The following IFNG-AS1 variants were observed in gnomAD, a reference collection of about 807,000 sequenced individuals.
The protein encoded by IFNG-AS1 is IFNG regulatory antisense RNA 1, also known as IFNG antisense RNA 1 (non-protein coding).
chr12:68,006,565 G>A (rs2120451712), intron 3 of IFNG-AS1, among the ~76,000 whole-genome samples: 1 of 152,226 alleles, frequency 6.6e-6, no homozygotes, highest in South Asian at 2.1e-4. Flanking sequence ...TCCATAATTA[G>A]GTTACATTAT....
chr12:68,010,295 G>C (rs1013584701), intron 3 of IFNG-AS1, among the ~76,000 whole-genome samples: 1 of 152,174 alleles, frequency 6.6e-6, no homozygotes, highest in Non-Finnish European at 1.5e-5. Flanking sequence ...TTTCAAAGCT[G>C]AGTAATGTAT....
At chr12:68,010,736 C>T (rs974792155) in intron 3 of IFNG-AS1, among the ~76,000 whole-genome samples, 8 of 152,096 alleles carry the variant, frequency 5.3e-5, no homozygotes, top group African/African-American at 1.7e-4. Flanking sequence ...TGCCTTGGGC[C>T]GAACCACATA....
Position 68,003,886 on chromosome 12 carries a change from G to A in IFNG-AS1, n.185-2204G>A, listed in dbSNP as rs1362022977. 5.4e-5 allele frequency among the ~76,000 whole-genome samples: 8 copies of A among 147,758 alleles called. No individual in the cohort carries two copies. The East Asian group carries it at 1.0e-3, about 19-fold the overall frequency. On this transcript the variant is annotated intron_variant and non_coding_transcript_variant, in intron 2 of 5. Transcript: ENST00000536914. ...CGCCCCACTGCACTCCAGCCTGGGT[G>A]AGAGTGAGACTCCGTCTCCAAAAAA...
intron 2 of IFNG-AS1, among the ~76,000 whole-genome samples, chr12:68,002,419 C>G (rs1412155600): frequency 6.6e-6 from 1 of 152,218 alleles, no homozygotes; most frequent in Admixed American, 6.5e-5. Flanking sequence ...TCCTATTCCT[C>G]TCACCACCCT....
intron 1 of IFNG-AS1, among the ~76,000 whole-genome samples, chr12:67,989,743 A>C (rs1879459154): frequency 6.6e-6 from 1 of 152,114 alleles, no homozygotes; most frequent in Non-Finnish European, 1.5e-5. Flanking sequence ...AGAAGGAGGA[A>C]GGCTGGGGTG....
chr12:68,004,384 G>C (rs1034302900), intron 2 of IFNG-AS1, among the ~76,000 whole-genome samples: 8 of 152,048 alleles, frequency 5.3e-5, no homozygotes, highest in African/African-American at 1.7e-4. Flanking sequence ...AGCTTCCTCT[G>C]GATCTTCCCA....
chr12:67,994,350 A>G (rs916392964), intron 1 of IFNG-AS1, among the ~76,000 whole-genome samples: 1 of 152,224 alleles, frequency 6.6e-6, no homozygotes, highest in African/African-American at 2.4e-5. Flanking sequence ...ATATCCGTCA[A>G]CGCATCGTTA....
chr12:68,018,623 G>A (rs1880209651), intron 3 of IFNG-AS1, among the ~76,000 whole-genome samples: 1 of 151,948 alleles, frequency 6.6e-6, no homozygotes, highest in African/African-American at 2.4e-5. Flanking sequence ...GGTGGGGTGG[G>A]GAGGAAGAAA....
chr12:67,990,219 T>A lies in IFNG-AS1; in HGVS notation n.51+640T>A, dbSNP rs560160023. Among the ~76,000 whole-genome samples, 9 of 152,394 alleles carry A rather than the reference T, an allele frequency of 5.9e-5. No individual in the cohort carries two copies. In the South Asian group the frequency reaches 1.9e-3, roughly 32 times the overall value. On this transcript the variant is annotated intron_variant and non_coding_transcript_variant, in intron 1 of 5. Coordinates refer to ENST00000536914, the Ensembl canonical transcript of IFNG-AS1. ...GTATTTTCCCAGCCATATTGCCAAATTAAGTTAAATCACGTAAATAATTTT... is the reference window on the plus strand; with the variant it reads ...GTATTTTCCCAGCCATATTGCCAAAATAAGTTAAATCACGTAAATAATTTT...
intron 2 of IFNG-AS1, among the ~76,000 whole-genome samples, chr12:68,004,879 C>T (rs960985052): frequency 6.6e-6 from 1 of 152,138 alleles, no homozygotes; most frequent in African/African-American, 2.4e-5. Flanking sequence ...AAAAACCTGC[C>T]TCTCCAATTC....
intron 3 of IFNG-AS1, among the ~76,000 whole-genome samples, chr12:68,014,987 A>G (rs1397538239): frequency 1.3e-5 from 2 of 152,222 alleles, no homozygotes; most frequent in South Asian, 2.1e-4. Flanking sequence ...GATAAAGGGC[A>G]ACTAAAAAAC....
chr12:67,992,052 CTCTT>C (rs1879528576), intron 1 of IFNG-AS1, among the ~76,000 whole-genome samples: 1 of 152,056 alleles, frequency 6.6e-6, no homozygotes, highest in Non-Finnish European at 1.5e-5. Flanking sequence ...TCCTCTCTCT[CTCTT>C]TCTCTTTCTC....
intron 4 of IFNG-AS1, chr12:68,021,266 A>T (rs1019032563): frequency 6.6e-5 from 10 of 152,238 alleles, no homozygotes; most frequent in Admixed American, 2.0e-4. Context: ...ATCATGCCTT[A>T]TATGGTATAT....
chr12:68,001,465 C>G (rs950029519), intron 2 of IFNG-AS1: 60 of 250,290 alleles, frequency 2.4e-4, no homozygotes, highest in African/African-American at 1.2e-3. Flanking sequence ...CAGTTTTCAT[C>G]TGATTCCACT....
chr12:67,992,739 G>A (rs1028078159), intron 1 of IFNG-AS1, among the ~76,000 whole-genome samples: 6 of 151,998 alleles, frequency 3.9e-5, no homozygotes, highest in African/African-American at 1.5e-4. Flanking sequence ...TGGTATTTTG[G>A]TTACCAAATT....
intron 3 of IFNG-AS1, among the ~76,000 whole-genome samples, chr12:68,016,474 C>T (rs560922150): frequency 2.0e-5 from 3 of 152,204 alleles, no homozygotes; most frequent in East Asian, 3.9e-4. Flanking sequence ...GTCCTGGTGT[C>T]GCTATGTTCG....
chr12:68,014,457 T>G (rs1208854301), intron 3 of IFNG-AS1, among the ~76,000 whole-genome samples: 3 of 152,194 alleles, frequency 2.0e-5, no homozygotes, highest in Non-Finnish European at 2.9e-5. Context: ...CTACTGGTTT[T>G]GTTTTGTTTT....
intron 3 of IFNG-AS1, chr12:68,013,527 A>G (rs932702115): frequency 1.2e-4 from 19 of 152,330 alleles, no homozygotes; most frequent in Admixed American, 1.2e-3. Flanking sequence ...AATACCTTCT[A>G]CAGGGTCCAA....
intron 3 of IFNG-AS1, among the ~76,000 whole-genome samples, chr12:68,009,691 G>A (rs1879982037): frequency 6.6e-6 from 1 of 152,038 alleles, no homozygotes; most frequent in East Asian, 1.9e-4. Context: ...TTGGTTTCTT[G>A]CTCTCATAAA....
Sources: gnomAD v4.1 joint callset for allele counts (sites outside exome capture counted in the v4.1 genomes callset) on GRCh38, gnomAD v4.1.1 for gene constraint, MANE v1.5 for transcripts, NCBI Gene and HGNC (gene_info 2026-07-23, HGNC 2026-07-21) for gene names.